The following CAMTA1 variants were observed in gnomAD, a reference collection of about 807,000 sequenced individuals.
The protein encoded by CAMTA1 is calmodulin binding transcription activator 1, also known as calmodulin-binding transcription activator 1.
In CAMTA1, 27 loss-of-function variants were observed where a neutral mutation model predicts 170.9. The observed-to-expected ratio is 0.16, with a 90% CI of 0.12 to 0.22. CAMTA1 has a LOEUF of 0.22. Ranked by LOEUF, CAMTA1 falls within the 10% of genes least tolerant of loss-of-function variation. The probability of loss-of-function intolerance (pLI) is 1.00; values close to 1 mark genes in which losing one functional copy is unlikely to be tolerated. For missense variants in CAMTA1, 1,619 were observed against 2,217.2 expected (o/e 0.73, Z 5.42); for synonymous variants, 833 against 891.5 (o/e 0.93, Z 1.17).
At chr1:7,461,668 C>T (rs1273199273) in intron 5 of CAMTA1, among the ~76,000 whole-genome samples, 1 of 152,246 alleles carries the variant, frequency 6.6e-6, no homozygotes, top group Non-Finnish European at 1.5e-5. Flanking sequence ...AGGTCAACAG[C>T]AAGCCCTGGC....
chr1:7,140,129 G>A (rs1213764334), intron 4 of CAMTA1, among the ~76,000 whole-genome samples: 1 of 152,172 alleles, frequency 6.6e-6, no homozygotes, highest in African/African-American at 2.4e-5. Flanking sequence ...GGTGTCATAG[G>A]GAGGTAGCTA....
Position 7,664,046 on chromosome 1 carries a change from G to A in CAMTA1, c.1499G>A (p.Gly500Asp), listed in dbSNP as rs944873688. 6.2e-7 allele frequency: 1 copy of A among 1,613,852 alleles called. No individual in the cohort carries two copies. The change falls in exon 9 of 23, where the codon GGT becomes GAT. Residue 500 changes from glycine to aspartate, a missense_variant. Around this residue, in one of 8 missense-constraint regions of CAMTA1, gnomAD observed 731 missense variants for 907.6 expected, o/e 0.81. Transcript: ENST00000303635. ...CCAAAGCAGGGCCAGACGTACGGGG[G>A]TGGAGGCCTGAAAGCCGAGATGGTC... Reference protein sequence around the residue: ...NNPKQGQTYGGGGLKAEMVSS... With the variant: ...NNPKQGQTYGDGGLKAEMVSS...
chr1:7,553,104 T>C (rs2094825545), intron 6 of CAMTA1, among the ~76,000 whole-genome samples: 2 of 152,086 alleles, frequency 1.3e-5, no homozygotes, highest in African/African-American at 2.4e-5. Context: ...GTACCTTGAG[T>C]GAATGAACGA....
intron 1 of CAMTA1, among the ~76,000 whole-genome samples, chr1:6,788,827 G>T (rs569045466): frequency 6.6e-6 from 1 of 152,246 alleles, no homozygotes; most frequent in Admixed American, 6.5e-5. Context: ...CCTTTTTCTT[G>T]AGTTTGATGT....
In CAMTA1 at chr1:6,786,110, C is replaced by T. The variant is rs1328954939; in HGVS notation, c.45+535C>T. ...CCCCCTGCTCTCCGGCGGGCAGGGC[C>T]AGATGTACTCTCTCCGGCACCCTCT... is the stretch of plus-strand genomic sequence containing the variant. On this transcript the variant is annotated intron_variant, in intron 1 of 22. Transcript: ENST00000303635. Among the ~76,000 whole-genome samples, 4 of 151,986 alleles carry T rather than the reference C, an allele frequency of 2.6e-5. No individual in the cohort carries two copies. The East Asian group carries it at 7.8e-4, about 30-fold the overall frequency.
At chr1:7,479,305 A>G (rs1051665369) in intron 6 of CAMTA1, among the ~76,000 whole-genome samples, 1 of 152,190 alleles carries the variant, frequency 6.6e-6, no homozygotes, top group African/African-American at 2.4e-5. Flanking sequence ...AGGTACCCAC[A>G]GGTGCACACA....
At chr1:7,720,333 A>C (rs1200665246) in intron 11 of CAMTA1, among the ~76,000 whole-genome samples, 1 of 152,118 alleles carries the variant, frequency 6.6e-6, no homozygotes, top group Admixed American at 6.6e-5. Context: ...TTTTCTCTTG[A>C]AAAGGGGGAA....
intron 11 of CAMTA1, among the ~76,000 whole-genome samples, chr1:7,718,034 G>A (rs1277474546): frequency 6.6e-6 from 1 of 152,170 alleles, no homozygotes; most frequent in Non-Finnish European, 1.5e-5. Flanking sequence ...GCCTCACTGA[G>A]CCAACACAAT....
intron 3 of CAMTA1, among the ~76,000 whole-genome samples, chr1:7,078,234 T>G (rs28627188): frequency 0.06 from 9,207 of 152,314 alleles, 317 homozygotes; most frequent in African/African-American, 0.095. Flanking sequence ...CTTGCAACAC[T>G]ACTTCTGTTT....
intron 4 of CAMTA1, among the ~76,000 whole-genome samples, chr1:7,215,981 G>A (rs1360451265): frequency 6.6e-6 from 1 of 152,150 alleles, no homozygotes; most frequent in African/African-American, 2.4e-5. Context: ...CTCTCACATT[G>A]CTATGAAGAA....
chr1:7,082,175 G>C (rs962902321), intron 3 of CAMTA1, among the ~76,000 whole-genome samples: 1 of 152,074 alleles, frequency 6.6e-6, no homozygotes, highest in Admixed American at 6.6e-5. Context: ...TGGTGGCTCA[G>C]GCCTGTAACC....
intron 3 of CAMTA1, among the ~76,000 whole-genome samples, chr1:6,877,831 T>C (rs986497759): frequency 2.2e-4 from 34 of 152,234 alleles, no homozygotes; most frequent in Non-Finnish European, 1.5e-5. Context: ...TTTGTCACTC[T>C]TTTGTAATGG....
chr1:7,040,087 G>A (rs906200035), intron 3 of CAMTA1, among the ~76,000 whole-genome samples: 2 of 151,414 alleles, frequency 1.3e-5, no homozygotes, highest in Admixed American at 6.6e-5. Context: ...GCAAAGTGGC[G>A]ACTTTTCTTT....
chr1:7,747,664 G>A, intron 18 of CAMTA1, 46 bp from the exon 19 acceptor site: 1 of 1,336,266 alleles, frequency 7.5e-7, no homozygotes, highest in Non-Finnish European at 1.0e-6. Flanking sequence ...GACATTTCTG[G>A]TAGTTAATCA....
chr1:7,550,022 G>A (rs2094777214), intron 6 of CAMTA1, among the ~76,000 whole-genome samples: 1 of 152,062 alleles, frequency 6.6e-6, no homozygotes. Flanking sequence ...GAAGGAGGAG[G>A]AGGGTGTGCA....
intron 3 of CAMTA1, among the ~76,000 whole-genome samples, chr1:6,987,925 A>G (rs1000438157): frequency 6.6e-6 from 1 of 152,006 alleles, no homozygotes; most frequent in Non-Finnish European, 1.5e-5. Flanking sequence ...GGCGTCTGTC[A>G]TCTTTGATCT....
intron 3 of CAMTA1, among the ~76,000 whole-genome samples, chr1:6,922,273 C>G (rs1021026674): frequency 1.3e-5 from 2 of 152,098 alleles, no homozygotes; most frequent in African/African-American, 4.8e-5. Flanking sequence ...GGCCAGGGTC[C>G]ACAGCTAGTG....
rs551233601 is a variant in CAMTA1 at position 7,585,720 on chromosome 1, G to A, written c.511-54680G>A. Among the ~76,000 whole-genome samples, 14 of 152,114 alleles carry A rather than the reference G, an allele frequency of 9.2e-5. No individual in the cohort carries two copies. The highest frequency in any genetic ancestry group is 7.9e-4 in the Admixed American group (12 of 15,280). On this transcript the variant is annotated intron_variant, in intron 6 of 22. Transcript: ENST00000303635. This position sits in a 1 kb window ranked among gnomAD's most constrained non-coding sequence, Gnocchi z 4.8. ...GGCAGGAGGGGAATGGCCAGGATGC[G>A]GGGTGCCCAGTTCATACATCCTAGA...
At chr1:6,914,975 G>A (rs1056760462) in intron 3 of CAMTA1, among the ~76,000 whole-genome samples, 1 of 152,296 alleles carries the variant, frequency 6.6e-6, no homozygotes, top group East Asian at 1.9e-4. Flanking sequence ...GCCTTTGGCC[G>A]GAGCTGCTTC....
Sources: allele counts gnomAD v4.1 joint callset (sites outside exome capture counted in the v4.1 genomes callset), GRCh38; gene constraint gnomAD v4.1.1; regional missense constraint gnomAD v4.1.1; non-coding constraint Gnocchi (gnomAD v3.1); transcripts MANE v1.5; gene names NCBI Gene and HGNC (gene_info 2026-07-23, HGNC 2026-07-21).